FMN2: variants seen among roughly 807,000 people sequenced by gnomAD.
FMN2 encodes formin 2.
FMN2 carries 51 observed loss-of-function variants against 142.3 expected under a neutral mutation model. The ratio of observed to expected loss-of-function variants is 0.36; its 90% CI spans 0.29 to 0.45. The LOEUF (loss-of-function observed/expected upper bound fraction) is 0.45. Among genes scored for constraint, FMN2 ranks in the 20% least tolerant of loss-of-function variants. The pLI, the probability that FMN2 is intolerant of heterozygous loss-of-function variation, is 1.00. For synonymous variants in FMN2, 882 were observed against 869.8 expected, an observed-to-expected ratio of 1.01 and a Z score of -0.25; for missense variants, 1,936 against 2,122.8, an observed-to-expected ratio of 0.91 and a Z score of 1.73.
chr1:240,399,947 G>A (rs1049255410), intron 15 of FMN2, among the ~76,000 whole-genome samples: 7 of 152,290 alleles, frequency 4.6e-5, no homozygotes, highest in Middle Eastern at 3.4e-3. Context: ...CCTGCCCAGA[G>A]CTCTACAGAT....
chr1:240,243,463 T>G (rs939409031), intron 6 of FMN2, among the ~76,000 whole-genome samples: 1 of 152,236 alleles, frequency 6.6e-6, no homozygotes, highest in Non-Finnish European at 1.5e-5. Context: ...GTTGTTCTCC[T>G]TCTTAATTTT....
rs368774315 is a variant in FMN2, at chr1:240,329,399, C to G, written c.4368C>G (p.Phe1456Leu). ...NFSERVFCIL[F>L]QSTFSESICS... ...CAGAGCGAGTCTTTTGCATCCTGTT[C>G]CAGTCCACATTTTCAGAAAGCATTT... The change falls in exon 10 of 18, where the codon TTC becomes TTG. Residue 1456 changes from phenylalanine (F) to leucine (L), a missense_variant. Physicochemically the swap from Phe to Leu is conservative, Grantham distance 22 (BLOSUM62 0). Transcript: ENST00000319653. The G allele has an allele frequency of 6.2e-7, 1 of 1,614,050 alleles. No homozygotes were observed. Among genetic ancestry groups the G allele is most frequent in the East Asian group, 2.2e-5 (1 of 44,870 alleles).
At chr1:240,220,240 A>C (rs1057330436) in intron 6 of FMN2, among the ~76,000 whole-genome samples, 2 of 152,116 alleles carry the variant, frequency 1.3e-5, no homozygotes, top group African/African-American at 2.4e-5. Flanking sequence ...CCTAAAACTC[A>C]TAACAGCAAG....
At chr1:240,420,599 C>T (rs1181234836) in intron 15 of FMN2, among the ~76,000 whole-genome samples, 7 of 152,140 alleles carry the variant, frequency 4.6e-5, no homozygotes, top group Non-Finnish European at 8.8e-5. Context: ...GGTGTTCACA[C>T]CAGGACATTT....
At chr1:240,117,438 A>C (rs2103207220) in intron 1 of FMN2, among the ~76,000 whole-genome samples, 1 of 152,344 alleles carries the variant, frequency 6.6e-6, no homozygotes, top group South Asian at 2.1e-4. Context: ...GCAAAGAGAA[A>C]GTGGATGGCT....
At chr1:240,282,843 G>A (rs1669448472) in intron 7 of FMN2, among the ~76,000 whole-genome samples, 1 of 152,124 alleles carries the variant, frequency 6.6e-6, no homozygotes, top group South Asian at 2.1e-4. Context: ...ACGTAACTAA[G>A]CCAAGCAAAA....
intron 8 of FMN2, among the ~76,000 whole-genome samples, chr1:240,319,070 A>G (rs1189228676): frequency 6.6e-6 from 1 of 152,186 alleles, no homozygotes; most frequent in Non-Finnish European, 1.5e-5. Context: ...CAGGCTTAGA[A>G]GGGAAACCAG....
At chr1:240,409,081 G>C (rs947270841) in intron 15 of FMN2, among the ~76,000 whole-genome samples, 1 of 152,098 alleles carries the variant, frequency 6.6e-6, no homozygotes, top group East Asian at 1.9e-4. Context: ...CCCTATTTAA[G>C]TGGCTAAGCC....
intron 14 of FMN2, among the ~76,000 whole-genome samples, chr1:240,368,492 A>G (rs1215137112): frequency 6.6e-6 from 1 of 152,178 alleles, no homozygotes; most frequent in East Asian, 1.9e-4. Context: ...TGTAAACTGC[A>G]TTTACTCTAT....
At chr1:240,361,139 G>GTATATATATATATATA (rs1444875541) in intron 14 of FMN2, among the ~76,000 whole-genome samples, 1 of 9,546 alleles carries the variant, frequency 1.0e-4, no homozygotes, top group Non-Finnish European at 1.7e-4. Context: ...ATAAATATAT[G>GTATATATATATATATA]TGTATATATA....
rs1660998161 is a variant in FMN2, at chr1:240,092,212, A to G, written c.103A>G (p.Thr35Ala). The change falls in exon 1 of 18, where the codon ACA becomes GCA. Residue 35 changes from threonine (T) to alanine (A), a missense_variant. Thr to Ala is a moderately conservative substitution (Grantham distance 58, BLOSUM62 0). Coordinates refer to ENST00000319653, the MANE Select transcript of FMN2 (RefSeq NM_020066.5). ...GCTGGGGCCCAGGGATGTGGAAGCC[A>G]CAAAGAAGGGGAGCGGGGGCAAGAA... Reference protein sequence around the residue: ...DALGPRDVEATKKGSGGKKAL... With the variant: ...DALGPRDVEAAKKGSGGKKAL... 2 of 1,568,646 alleles carry G rather than the reference A, an allele frequency of 1.3e-6. No individual in the cohort carries two copies. The highest frequency in any genetic ancestry group is 1.7e-6 in the Non-Finnish European group (2 of 1,156,792).
chr1:240,236,600 T>A (rs1667720913), intron 6 of FMN2, among the ~76,000 whole-genome samples: 1 of 152,196 alleles, frequency 6.6e-6, no homozygotes, highest in Non-Finnish European at 1.5e-5. Context: ...ATGAAGGTTT[T>A]ACTCACGGCA....
At chr1:240,129,160 C>T (rs1662635028) in intron 2 of FMN2, among the ~76,000 whole-genome samples, 1 of 152,068 alleles carries the variant, frequency 6.6e-6, no homozygotes, top group Non-Finnish European at 1.5e-5. Context: ...AGGTGTGAGC[C>T]ACCTAGCCCA....
At chr1:240,457,784 G>C (rs1676304024) in intron 16 of FMN2, 1 of 152,400 alleles carries the variant, frequency 6.6e-6, no homozygotes, top group African/African-American at 2.4e-5. Context: ...AGCAGAGTGA[G>C]TGAGAGTTGA....
chr1:240,461,419 T>G (rs1676447687), intron 16 of FMN2, among the ~76,000 whole-genome samples: 1 of 152,176 alleles, frequency 6.6e-6, no homozygotes, highest in African/African-American at 2.4e-5. Context: ...TGTTAGCTGC[T>G]ATTGTGATGA....
intron 13 of FMN2, among the ~76,000 whole-genome samples, chr1:240,346,978 C>A (rs932419961): frequency 9.2e-5 from 14 of 152,068 alleles, no homozygotes; most frequent in Non-Finnish European, 1.9e-4. Flanking sequence ...TTATGGTCAA[C>A]AATTCAAACA....
At chr1:240,154,308 G>A (rs1223894027) in intron 2 of FMN2, among the ~76,000 whole-genome samples, 1 of 152,012 alleles carries the variant, frequency 6.6e-6, no homozygotes, top group Non-Finnish European at 1.5e-5. Context: ...CACAGATGAA[G>A]CAATAAACAC....
intron 4 of FMN2, 48 bp from the exon 5 acceptor site, chr1:240,206,750 AT>A: frequency 1.3e-6 from 2 of 1,551,020 alleles, no homozygotes; most frequent in Non-Finnish European, 1.7e-6. Flanking sequence ...TGCTATTTGC[AT>A]TTTTCCTTAT....
At chr1:240,466,885 C>T (rs545383724) in intron 16 of FMN2, among the ~76,000 whole-genome samples, 1 of 152,078 alleles carries the variant, frequency 6.6e-6, no homozygotes, top group East Asian at 1.9e-4. Context: ...GAGAAGCCTG[C>T]GACAACTGAA....
Sources: gnomAD v4.1 joint callset for allele counts (sites outside exome capture counted in the v4.1 genomes callset) on GRCh38, gnomAD v4.1.1 for gene constraint, MANE v1.5 for transcripts, NCBI Gene and HGNC (gene_info 2026-07-23, HGNC 2026-07-21) for gene names.